The following CNBD1 variants were observed in gnomAD, a reference collection of about 807,000 sequenced individuals.
The protein encoded by CNBD1 is cyclic nucleotide binding domain containing 1.
In CNBD1, 71 loss-of-function variants were observed where a neutral mutation model predicts 54.4. The ratio of observed to expected loss-of-function variants is 1.30; its 90% CI spans 1.08 to 1.59. CNBD1 has a LOEUF of 1.59. Ranked by LOEUF, CNBD1 falls within the 40% of genes most tolerant of loss-of-function variation. The pLI is 0.00. For synonymous variants in CNBD1, 182 were observed against 170.7 expected, an observed-to-expected ratio of 1.07 and a Z score of -0.51; for missense variants, 659 against 518.0, an observed-to-expected ratio of 1.27 and a Z score of -2.64.
chr8:87,005,810 A>G (rs886498803), intron 4 of CNBD1, among the ~76,000 whole-genome samples: 2 of 152,008 alleles, frequency 1.3e-5, no homozygotes, highest in South Asian at 2.1e-4. Flanking sequence ...TGATTACGCT[A>G]TCTGTGTTTG....
intron 4 of CNBD1, among the ~76,000 whole-genome samples, chr8:87,136,128 C>A (rs757314412): frequency 2.6e-5 from 4 of 151,778 alleles, no homozygotes; most frequent in East Asian, 1.9e-4. Context: ...CAATTAATAC[C>A]CAAAAATAAA....
intron 6 of CNBD1, among the ~76,000 whole-genome samples, chr8:87,261,066 C>G (rs1223102470): frequency 6.6e-6 from 1 of 152,134 alleles, no homozygotes; most frequent in Non-Finnish European, 1.5e-5. Flanking sequence ...CTACCAGTCC[C>G]TTTCTGACCC....
chr8:87,350,206 T>A (rs985865878), intron 8 of CNBD1, among the ~76,000 whole-genome samples: 1 of 152,264 alleles, frequency 6.6e-6, no homozygotes, highest in East Asian at 1.9e-4. Context: ...ATTCTACGCA[T>A]ACGTTATACT....
chr8:87,317,393 C>T (rs1158240520), intron 8 of CNBD1, among the ~76,000 whole-genome samples: 3 of 151,582 alleles, frequency 2.0e-5, no homozygotes, highest in Non-Finnish European at 4.4e-5. Context: ...TTTCATCTCA[C>T]TCAAAATGCC....
At chr8:87,233,078 C>G (rs933457968) in intron 5 of CNBD1, among the ~76,000 whole-genome samples, 1 of 151,982 alleles carries the variant, frequency 6.6e-6, no homozygotes, top group Non-Finnish European at 1.5e-5. Context: ...TTCATTTAAA[C>G]CCTTTAATAG....
chr8:87,372,953 C>T (rs1810847730), intron 10 of CNBD1, among the ~76,000 whole-genome samples: 1 of 151,548 alleles, frequency 6.6e-6, no homozygotes, highest in Admixed American at 6.6e-5. Context: ...TGATTTTTTT[C>T]TTCCTGTTTC....
chr8:87,286,771 A>C, intron 8 of CNBD1, 100 bp downstream of exon 8: 1 of 790,418 alleles, frequency 1.3e-6, no homozygotes, highest in Non-Finnish European at 2.0e-6. Context: ...ATTTCTTCAT[A>C]TAAATATTCT....
At chr8:87,395,264 A>T (rs1009190389) in intron 2 of CNBD1, among the ~76,000 whole-genome samples, 1 of 151,940 alleles carries the variant, frequency 6.6e-6, no homozygotes, top group Non-Finnish European at 1.5e-5. Flanking sequence ...ATGAGGATAC[A>T]TAGCTTCCTG....
intron 4 of CNBD1, among the ~76,000 whole-genome samples, chr8:87,071,116 T>C (rs1586235872): frequency 6.6e-6 from 1 of 152,090 alleles, no homozygotes; most frequent in African/African-American, 2.4e-5. Flanking sequence ...TGGTGGTTTT[T>C]GAACCAAAAT....
intron 8 of CNBD1, among the ~76,000 whole-genome samples, chr8:87,338,232 T>A (rs1211506307): frequency 1.3e-5 from 2 of 152,174 alleles, no homozygotes; most frequent in Non-Finnish European, 2.9e-5. Context: ...CCATAATGAA[T>A]TTTGCTTATA....
intron 3 of CNBD1, among the ~76,000 whole-genome samples, chr8:86,931,432 C>T (rs983535755): frequency 2.0e-5 from 3 of 151,986 alleles, no homozygotes; most frequent in Admixed American, 6.6e-5. Context: ...GTGATTGCCT[C>T]GGCATAGTGG....
intron 8 of CNBD1, among the ~76,000 whole-genome samples, chr8:87,327,453 G>A (rs1211141968): frequency 1.3e-5 from 2 of 152,176 alleles, no homozygotes; most frequent in Non-Finnish European, 2.9e-5. Flanking sequence ...AGCAATCAGC[G>A]AGATTCCGTG....
intron 5 of CNBD1, among the ~76,000 whole-genome samples, chr8:87,224,948 AG>A (rs1205428609): frequency 1.2e-4 from 18 of 152,162 alleles, no homozygotes; most frequent in Non-Finnish European, 2.2e-4. Context: ...CTCCTTGAAG[AG>A]GTCCTTCACA....
intron 8 of CNBD1, among the ~76,000 whole-genome samples, chr8:87,289,476 C>T (rs1456064109): frequency 6.6e-6 from 1 of 152,100 alleles, no homozygotes; most frequent in Non-Finnish European, 1.5e-5. Context: ...CACTAATCAA[C>T]CTGTTCCCAT....
intron 1 of CNBD1, among the ~76,000 whole-genome samples, chr8:86,871,287 A>G (rs1808440218): frequency 6.6e-6 from 1 of 152,198 alleles, no homozygotes; most frequent in Admixed American, 6.5e-5. Context: ...ATCTGCCTAT[A>G]TCAGAGATTA....
intron 2 of CNBD1, among the ~76,000 whole-genome samples, chr8:87,410,771 T>C (rs931104717): frequency 1.3e-5 from 2 of 152,048 alleles, no homozygotes; most frequent in Non-Finnish European, 2.9e-5. Flanking sequence ...GATGAGCAAA[T>C]TTCATTGTTG....
chr8:87,013,866 A>G (rs569961771), intron 4 of CNBD1, among the ~76,000 whole-genome samples: 2 of 152,032 alleles, frequency 1.3e-5, no homozygotes, highest in South Asian at 4.1e-4. Context: ...AAATTTTGCT[A>G]TCTAATCTTC....
chr8:87,098,480 G>T (rs933724501), intron 4 of CNBD1, among the ~76,000 whole-genome samples: 8 of 152,134 alleles, frequency 5.3e-5, no homozygotes, highest in Non-Finnish European at 1.2e-4. Context: ...ATTAATCCCA[G>T]CTGGGGTTAA....
At chr8:87,412,022 G>C (rs886365245) in intron 2 of CNBD1, among the ~76,000 whole-genome samples, 1 of 151,918 alleles carries the variant, frequency 6.6e-6, no homozygotes, top group African/African-American at 2.4e-5. Flanking sequence ...ACATTCATTA[G>C]TGCTTTTGGG....
Sources: gnomAD v4.1 joint callset for allele counts (sites outside exome capture counted in the v4.1 genomes callset) on GRCh38, gnomAD v4.1.1 for gene constraint, MANE v1.5 for transcripts, NCBI Gene and HGNC (gene_info 2026-07-23, HGNC 2026-07-21) for gene names.